Variants in CAMTA1 observed in about 807,000 individuals in gnomAD.
The protein encoded by CAMTA1 is calmodulin-binding transcription activator 1.
Under a neutral mutation model 170.9 loss-of-function variants are expected in CAMTA1, and 27 were observed. The observed-to-expected ratio is 0.16, with a 90% CI of 0.12 to 0.22. The LOEUF is 0.22. CAMTA1 is among the 10% of genes least tolerant of loss of function. The pLI is 1.00. For synonymous variants in CAMTA1, 833 were observed against 891.5 expected (o/e 0.93, Z 1.17); for missense variants, 1,619 against 2,217.2 (o/e 0.73, Z 5.42).
intron 3 of CAMTA1, among the ~76,000 whole-genome samples, chr1:6,856,740 G>T (rs1170665666): frequency 6.6e-6 from 1 of 152,208 alleles, no homozygotes; most frequent in Non-Finnish European, 1.5e-5. Context: ...ATGTAATTCA[G>T]ATGAGAAGCC....
intron 5 of CAMTA1, among the ~76,000 whole-genome samples, chr1:7,438,375 A>G (rs1399668496): frequency 2.0e-5 from 3 of 152,174 alleles, no homozygotes; most frequent in African/African-American, 7.2e-5. Flanking sequence ...GAAGAAGCCA[A>G]AGTGATGAGT....
chr1:6,853,360 CTT>C (rs1411402649), intron 3 of CAMTA1, among the ~76,000 whole-genome samples: 1 of 152,048 alleles, frequency 6.6e-6, no homozygotes, highest in African/African-American at 2.4e-5. Flanking sequence ...TTACTTGAGA[CTT>C]TGATAAGTCA....
chr1:6,856,006 C>T (rs1444868394), intron 3 of CAMTA1, among the ~76,000 whole-genome samples: 2 of 152,078 alleles, frequency 1.3e-5, no homozygotes, highest in Middle Eastern at 3.2e-3. Context: ...CTCACTAGGG[C>T]GCCACACAAA....
At chr1:7,480,651 G>A (rs2093515682) in intron 6 of CAMTA1, among the ~76,000 whole-genome samples, 1 of 152,030 alleles carries the variant, frequency 6.6e-6, no homozygotes, top group African/African-American at 2.4e-5. Context: ...CCCTGCTGCC[G>A]AGACTTCCCG....
At chr1:6,861,085 C>T (rs1664512945) in intron 3 of CAMTA1, among the ~76,000 whole-genome samples, 1 of 151,774 alleles carries the variant, frequency 6.6e-6, no homozygotes, top group Non-Finnish European at 1.5e-5. Context: ...GTGGCTCAGC[C>T]TCCCAAGTAG....
At chr1:7,628,491 C>T (rs750356865) in intron 6 of CAMTA1, among the ~76,000 whole-genome samples, 7 of 152,258 alleles carry the variant, frequency 4.6e-5, no homozygotes, top group Non-Finnish European at 1.0e-4. Flanking sequence ...AGCTCAGCCT[C>T]CCATGAGCCA....
At position 7,435,752 on chromosome 1, in the gene CAMTA1, C is replaced by T. The variant is rs577549908; in HGVS notation, c.439-32078C>T. Among the ~76,000 whole-genome samples the T allele has an allele frequency of 8.5e-5, 13 of 152,314 alleles. No homozygotes were observed. The highest frequency in any genetic ancestry group is 6.5e-4 in the Admixed American group (10 of 15,306). The stretch of plus-strand genomic sequence containing the variant: ...GCATTGTCACGGTGGCACAGGGGCC[C>T]GCCTATCTGAAGTCAGGGCAATCCA... On this transcript the variant is annotated intron_variant, in intron 5 of 22. Transcript: ENST00000303635. This position sits in a 1 kb window ranked among gnomAD's most constrained non-coding sequence, Gnocchi z 4.4.
rs145858718 is a variant in CAMTA1, at chr1:7,173,873, C to G, written c.303-75618C>G. On this transcript the variant is annotated intron_variant, in intron 4 of 22. Transcript: ENST00000303635. The surrounding 1 kb of genome is among the most constrained non-coding windows in gnomAD (Gnocchi z 5.4). ...CAGAACCCAAAAAGGCCCAGTGGAA[C>G]CCAGGGGACCCACAGGGACTCAACA... Among the ~76,000 whole-genome samples the G allele has an allele frequency of 3.9e-5, 6 of 152,106 alleles. No individual in the cohort carries two copies. Among genetic ancestry groups the G allele is most frequent in the Admixed American group, 6.5e-5 (1 of 15,272 alleles).
chr1:6,902,072 C>CACACACACAAA (rs3986505), intron 3 of CAMTA1, among the ~76,000 whole-genome samples: 87 of 88,478 alleles, frequency 9.8e-4, no homozygotes, highest in Admixed American at 2.9e-3. Context: ...CACACACACA[C>CACACACACAAA]AAAAAAAAAA....
At chr1:6,832,374 G>C (rs569157604) in intron 3 of CAMTA1, among the ~76,000 whole-genome samples, 6 of 152,072 alleles carry the variant, frequency 3.9e-5, no homozygotes, top group Non-Finnish European at 8.8e-5. Flanking sequence ...ACTGTGCCTG[G>C]TTACCTTACC....
intron 5 of CAMTA1, among the ~76,000 whole-genome samples, chr1:7,357,687 TTTA>T (rs34447910): frequency 0.93 from 140,818 of 152,006 alleles, 65,279 homozygotes; most frequent in East Asian, 0.99. Context: ...TGCTTTTGTT[TTTA>T]TTATTATTTT....
intron 6 of CAMTA1, among the ~76,000 whole-genome samples, chr1:7,503,247 G>T (rs1296482489): frequency 6.6e-6 from 1 of 152,184 alleles, no homozygotes; most frequent in Non-Finnish European, 1.5e-5. Context: ...GCTGGGGGCC[G>T]AGAGCAAGGG....
chr1:7,691,987 G>A (rs1023872795), intron 11 of CAMTA1, among the ~76,000 whole-genome samples: 5 of 151,294 alleles, frequency 3.3e-5, no homozygotes, highest in African/African-American at 1.2e-4. Context: ...GAAGGAGGGA[G>A]GGAGGGAGGG....
At chr1:7,102,118 T>G (rs1642816285) in intron 4 of CAMTA1, among the ~76,000 whole-genome samples, 1 of 151,914 alleles carries the variant, frequency 6.6e-6, no homozygotes, top group Non-Finnish European at 1.5e-5. Context: ...TCTGGGAAAA[T>G]TTTTCTTCGT....
At chr1:7,125,163 G>A (rs1248538986) in intron 4 of CAMTA1, among the ~76,000 whole-genome samples, 3 of 152,142 alleles carry the variant, frequency 2.0e-5, no homozygotes, top group Non-Finnish European at 4.4e-5. Context: ...AGGAGGGCAC[G>A]CTGAGCCAAG....
intron 6 of CAMTA1, among the ~76,000 whole-genome samples, chr1:7,541,347 G>A (rs1437660501): frequency 1.3e-5 from 2 of 152,230 alleles, no homozygotes; most frequent in Admixed American, 1.3e-4. Flanking sequence ...TTTGAGGAAA[G>A]AAATCACCAC....
intron 2 of CAMTA1, among the ~76,000 whole-genome samples, chr1:6,821,360 C>G (rs924211252): frequency 6.6e-6 from 1 of 152,124 alleles, no homozygotes; most frequent in African/African-American, 2.4e-5. Context: ...GCTGTATTTG[C>G]TGCTGTGAGC....
chr1:7,033,077 T>C (rs1703027310), intron 3 of CAMTA1, among the ~76,000 whole-genome samples: 1 of 152,196 alleles, frequency 6.6e-6, no homozygotes, highest in Non-Finnish European at 1.5e-5. Flanking sequence ...TTGAGCTACT[T>C]GGATATGTGG....
intron 3 of CAMTA1, among the ~76,000 whole-genome samples, chr1:7,031,592 T>C (rs1273788363): frequency 6.6e-6 from 1 of 152,204 alleles, no homozygotes; most frequent in Non-Finnish European, 1.5e-5. Context: ...CAGGCTGGAG[T>C]GCAGTGGTGC....
Sources: allele counts gnomAD v4.1 joint callset (sites outside exome capture counted in the v4.1 genomes callset), GRCh38; gene constraint gnomAD v4.1.1; non-coding constraint Gnocchi (gnomAD v3.1); transcripts MANE v1.5; gene names NCBI Gene and HGNC (gene_info 2026-07-23, HGNC 2026-07-21).